Variants in DLG1 observed in about 807,000 individuals in gnomAD.
DLG1 encodes the protein discs large MAGUK scaffold protein 1, also known as disks large homolog 1.
In DLG1, 42 loss-of-function variants were observed where a neutral mutation model predicts 123.4. The observed-to-expected ratio is 0.34, with a 90% CI of 0.27 to 0.44. The LOEUF (loss-of-function observed/expected upper bound fraction) is 0.44. Among genes scored for constraint, DLG1 ranks in the 20% least tolerant of loss-of-function variants. The pLI, the probability that DLG1 is intolerant of heterozygous loss-of-function variation, is 1.00. For synonymous variants in DLG1, 317 were observed against 356.2 expected, an observed-to-expected ratio of 0.89 and a Z score of 1.24; for missense variants, 942 against 1,082.6, an observed-to-expected ratio of 0.87 and a Z score of 1.82.
At chr3:197,216,809 G>C (rs1331625932) in intron 4 of DLG1, among the ~76,000 whole-genome samples, 1 of 152,194 alleles carries the variant, frequency 6.6e-6, no homozygotes, top group African/African-American at 2.4e-5. Flanking sequence ...TTCAAAGAGA[G>C]CAGTTTAGGT....
intron 4 of DLG1, among the ~76,000 whole-genome samples, chr3:197,216,921 A>G (rs1373691931): frequency 2.0e-5 from 3 of 152,262 alleles, no homozygotes; most frequent in Non-Finnish European, 4.4e-5. Context: ...GAATGAAAAT[A>G]AAGATAGCAA....
Position 197,149,729 on chromosome 3 carries a change from G to A in DLG1, c.537+14C>T, listed in dbSNP as rs73210523. The A allele has an allele frequency of 0.15, 231,332 of 1,551,590 alleles. 18,822 individuals are homozygous for A. The highest frequency in any genetic ancestry group is 0.17 in the Non-Finnish European group (185,543 of 1,123,344). Reference sequence around the variant, plus strand: ...GGCAGAATTACTTCAATGTGGGGAGGAAATGGAACTTACGTAAGTTGGTGT... The same window carrying A: ...GGCAGAATTACTTCAATGTGGGGAGAAAATGGAACTTACGTAAGTTGGTGT... On this transcript the variant is annotated intron_variant, in intron 6 of 24. Coordinates refer to ENST00000667157, the MANE Select transcript of DLG1 (RefSeq NM_001366207.1).
At chr3:197,211,620 G>T (rs1213353897) in intron 4 of DLG1, among the ~76,000 whole-genome samples, 1 of 146,616 alleles carries the variant, frequency 6.8e-6, no homozygotes, top group African/African-American at 2.4e-5. Context: ...TGCTGGTGAG[G>T]TTATGGAGAA....
At chr3:197,260,620 T>C (rs1758906464) in intron 4 of DLG1, among the ~76,000 whole-genome samples, 1 of 151,976 alleles carries the variant, frequency 6.6e-6, no homozygotes, top group South Asian at 2.1e-4. Flanking sequence ...GTTTCATTAA[T>C]CCCTCTTTTC....
chr3:197,050,093 C>T (rs1726276363), intron 24 of DLG1, among the ~76,000 whole-genome samples: 1 of 151,848 alleles, frequency 6.6e-6, no homozygotes. Flanking sequence ...ACAGGCCGGG[C>T]ACGGTGGCTC....
intron 19 of DLG1, chr3:197,068,543 A>G (rs752549551): frequency 1.9e-5 from 30 of 1,570,664 alleles, no homozygotes; most frequent in Non-Finnish European, 2.3e-5. Context: ...GATTACTTTC[A>G]TATTAGACAG....
chr3:197,246,444 G>T (rs1751765732), intron 4 of DLG1, among the ~76,000 whole-genome samples: 1 of 152,128 alleles, frequency 6.6e-6, no homozygotes, highest in Non-Finnish European at 1.5e-5. Context: ...TTCTTGAGTT[G>T]GTGGGCCATC....
chr3:197,280,211 C>T (rs1296011107), intron 4 of DLG1, among the ~76,000 whole-genome samples: 1 of 152,128 alleles, frequency 6.6e-6, no homozygotes, highest in Non-Finnish European at 1.5e-5. Context: ...TTTTAGCTCC[C>T]ACATGAGAAC....
chr3:197,254,922 G>A (rs1317358818), intron 4 of DLG1, among the ~76,000 whole-genome samples: 2 of 151,976 alleles, frequency 1.3e-5, no homozygotes, highest in African/African-American at 4.8e-5. Flanking sequence ...CGGGCGTGGT[G>A]GCACGTGCTT....
intron 4 of DLG1, among the ~76,000 whole-genome samples, chr3:197,258,060 AT>A (rs1224118110): frequency 6.6e-6 from 1 of 152,252 alleles, no homozygotes; most frequent in Non-Finnish European, 1.5e-5. Context: ...AAAAATGTAT[AT>A]AAGTGTATGA....
rs113102141 is a variant in DLG1, at chr3:197,143,313, T to C, written c.538-545A>G. Among the ~76,000 whole-genome samples, 3 of 141,708 alleles carry C rather than the reference T, an allele frequency of 2.1e-5. No homozygotes were observed. In the South Asian group the frequency reaches 6.8e-4, roughly 32 times the overall value. 93.0% of individuals were successfully genotyped at this position (141,708 alleles called of 152,430 possible). On this transcript the variant is annotated intron_variant, in intron 6 of 24. Coordinates refer to ENST00000667157, the MANE Select transcript of DLG1 (RefSeq NM_001366207.1). Reference sequence around the variant, plus strand: ...TGTTGCCCAGGCTGGAGTGCAGTGGTGGCGTGATCTTGGTTCACTACAAGC... The same window carrying C: ...TGTTGCCCAGGCTGGAGTGCAGTGGCGGCGTGATCTTGGTTCACTACAAGC...
intron 5 of DLG1, among the ~76,000 whole-genome samples, chr3:197,193,243 C>T (rs574435712): frequency 3.7e-4 from 56 of 152,104 alleles, no homozygotes; most frequent in African/African-American, 1.2e-3. Context: ...TAAATGGGCA[C>T]GTAACAGATA....
At chr3:197,099,280 ATCTTCAAC>A (rs967183313) in intron 14 of DLG1, among the ~76,000 whole-genome samples, 6 of 152,192 alleles carry the variant, frequency 3.9e-5, no homozygotes, top group African/African-American at 1.4e-4. Flanking sequence ...TACCCAGGGG[ATCTTCAAC>A]TCTTAGGCTC....
intron 4 of DLG1, among the ~76,000 whole-genome samples, chr3:197,212,000 A>C (rs1373665884): frequency 6.8e-6 from 1 of 146,430 alleles, no homozygotes; most frequent in Non-Finnish European, 1.5e-5. Context: ...ACAGAAAACC[A>C]AATACTGAAT....
At chr3:197,279,124 CAA>C (rs1159736364) in intron 4 of DLG1, among the ~76,000 whole-genome samples, 2 of 152,126 alleles carry the variant, frequency 1.3e-5, no homozygotes, top group Non-Finnish European at 1.5e-5. Flanking sequence ...GCAAATGAAA[CAA>C]GAGATCAAAT....
intron 4 of DLG1, among the ~76,000 whole-genome samples, chr3:197,261,833 G>A (rs1759577740): frequency 6.6e-6 from 1 of 152,090 alleles, no homozygotes; most frequent in Non-Finnish European, 1.5e-5. Context: ...CAGGCCCAAT[G>A]GGACTTTACC....
chr3:197,160,390 A>T (rs1798328957), intron 5 of DLG1, among the ~76,000 whole-genome samples: 1 of 151,634 alleles, frequency 6.6e-6, no homozygotes, highest in African/African-American at 2.4e-5. Flanking sequence ...AAACTGTACT[A>T]ATAAACTCTA....
At chr3:197,263,544 T>C (rs1760398080) in intron 4 of DLG1, among the ~76,000 whole-genome samples, 1 of 152,162 alleles carries the variant, frequency 6.6e-6, no homozygotes, top group Non-Finnish European at 1.5e-5. Flanking sequence ...CCCAGCACTT[T>C]GGGAGGCCAA....
intron 18 of DLG1, among the ~76,000 whole-genome samples, chr3:197,073,709 C>G (rs1435904198): frequency 1.3e-5 from 2 of 152,178 alleles, no homozygotes; most frequent in Non-Finnish European, 2.9e-5. Flanking sequence ...CAGGTCTACA[C>G]AAAGCGTTCT....
Sources: allele counts gnomAD v4.1 joint callset (sites outside exome capture counted in the v4.1 genomes callset), GRCh38; gene constraint gnomAD v4.1.1; transcripts MANE v1.5; gene names NCBI Gene and HGNC (gene_info 2026-07-23, HGNC 2026-07-21).